Variants in TMEM163 observed in about 807,000 individuals in gnomAD.
TMEM163 encodes the protein transmembrane protein 163.
A neutral mutation model predicts 29.3 loss-of-function variants in TMEM163; 17 were observed. The observed-to-expected ratio is 0.58, with a 90% CI of 0.40 to 0.87. TMEM163 has a LOEUF of 0.87. Ranked by LOEUF, TMEM163 falls within the 40% of genes least tolerant of loss-of-function variation. The pLI, the probability that TMEM163 is intolerant of heterozygous loss-of-function variation, is 0.00. For missense variants in TMEM163, 303 were observed against 381.5 expected, an observed-to-expected ratio of 0.79 and a Z score of 1.71; for synonymous variants, 157 against 160.6, an observed-to-expected ratio of 0.98 and a Z score of 0.17.
chr2:134,713,626 G>C (rs1310834566), intron 1 of TMEM163: 1 of 517,356 alleles, frequency 1.9e-6, no homozygotes, highest in Non-Finnish European at 3.7e-6. Context: ...CCATTCCTTT[G>C]CCCCTGTGTT....
chr2:134,544,317 C>T (rs1680734985), intron 4 of TMEM163, among the ~76,000 whole-genome samples: 1 of 152,230 alleles, frequency 6.6e-6, no homozygotes, highest in Non-Finnish European at 1.5e-5. Context: ...CCATCTCCAG[C>T]ACCTCCTTCC....
chr2:134,484,307 T>C (rs751447900), intron 5 of TMEM163, among the ~76,000 whole-genome samples: 5 of 152,120 alleles, frequency 3.3e-5, no homozygotes, highest in Non-Finnish European at 5.9e-5. Context: ...ACAAGCTCCA[T>C]AGAGAAAACA....
intron 5 of TMEM163, among the ~76,000 whole-genome samples, chr2:134,493,863 T>C (rs999952262): frequency 6.6e-6 from 1 of 152,200 alleles, no homozygotes; most frequent in African/African-American, 2.4e-5. Flanking sequence ...CACCATTTGT[T>C]GAGGAGACTT....
chr2:134,657,096 T>TGGTTTCA (rs1045777542), intron 2 of TMEM163, among the ~76,000 whole-genome samples: 2 of 152,196 alleles, frequency 1.3e-5, no homozygotes, highest in Non-Finnish European at 2.9e-5. Context: ...TCAGTGATGC[T>TGGTTTCA]GGTTTCACAG....
At chr2:134,612,542 A>ACACACACACACACACAC (rs1682528191) in intron 2 of TMEM163, among the ~76,000 whole-genome samples, 2 of 140,568 alleles carry the variant, frequency 1.4e-5, no homozygotes, top group African/African-American at 5.4e-5. Context: ...GGTTTGCCCC[A>ACACACACACACACACAC]ACACACACAC....
chr2:134,674,450 T>TC (rs1684061502), intron 2 of TMEM163, among the ~76,000 whole-genome samples: 1 of 148,270 alleles, frequency 6.7e-6, no homozygotes, highest in Non-Finnish European at 1.5e-5. Flanking sequence ...TTCAAGAGAT[T>TC]CCCCTGCCTC....
chr2:134,718,697 C>T (rs1174831012), intron 1 of TMEM163, 37 bp downstream of exon 1: 2 of 1,130,858 alleles, frequency 1.8e-6, no homozygotes, highest in East Asian at 9.4e-5. Flanking sequence ...CGAGCAGCCA[C>T]CCCGGTCGCC....
At chr2:134,478,143 C>G (rs1288446132) in intron 5 of TMEM163, among the ~76,000 whole-genome samples, 1 of 152,198 alleles carries the variant, frequency 6.6e-6, no homozygotes, top group Non-Finnish European at 1.5e-5. Flanking sequence ...TTGTAAGCAT[C>G]CTCAGGCCCT....
intron 2 of TMEM163, among the ~76,000 whole-genome samples, chr2:134,706,503 G>C (rs1418963425): frequency 6.6e-6 from 1 of 152,152 alleles, no homozygotes; most frequent in African/African-American, 2.4e-5. Flanking sequence ...ATTGTGCATC[G>C]AGTTCCTGAT....
chr2:134,596,700 A>G (rs1467146655), intron 2 of TMEM163, among the ~76,000 whole-genome samples: 17 of 152,068 alleles, frequency 1.1e-4, no homozygotes, highest in African/African-American at 3.6e-4. Flanking sequence ...AAATTACCTT[A>G]GGCAGTATGG....
chr2:134,665,835 G>A (rs755835659), intron 2 of TMEM163, among the ~76,000 whole-genome samples: 17 of 152,104 alleles, frequency 1.1e-4, no homozygotes, highest in Admixed American at 5.2e-4. Context: ...GCACTCTCAA[G>A]AGCATTAAAC....
chr2:134,625,406 C>A (rs1029855210), intron 2 of TMEM163, among the ~76,000 whole-genome samples: 5 of 152,178 alleles, frequency 3.3e-5, no homozygotes, highest in South Asian at 4.1e-4. Flanking sequence ...TACATGGAGC[C>A]ATTTCATAAT....
At chr2:134,698,569 C>A (rs1684628448) in intron 2 of TMEM163, among the ~76,000 whole-genome samples, 1 of 151,894 alleles carries the variant, frequency 6.6e-6, no homozygotes, top group African/African-American at 2.4e-5. Flanking sequence ...TATTTGTATT[C>A]TTCAAAGTTT....
intron 2 of TMEM163, among the ~76,000 whole-genome samples, chr2:134,633,183 A>T (rs1180612624): frequency 1.3e-5 from 2 of 152,178 alleles, no homozygotes; most frequent in Non-Finnish European, 2.9e-5. Flanking sequence ...AGAGTACCAC[A>T]AGGCAGTCTG....
intron 5 of TMEM163, among the ~76,000 whole-genome samples, chr2:134,492,091 T>C (rs4954148): frequency 0.11 from 17,500 of 152,264 alleles, 1,243 homozygotes; most frequent in South Asian, 0.2. Flanking sequence ...CTGCCTCTGG[T>C]GACAGCTGTT....
intron 5 of TMEM163, among the ~76,000 whole-genome samples, chr2:134,490,571 T>G (rs55893044): frequency 0.11 from 17,497 of 152,228 alleles, 1,242 homozygotes; most frequent in South Asian, 0.2. Flanking sequence ...TGATCAGATA[T>G]CCCATTTTAA....
Position 134,718,964 on chromosome 2 carries a change from C to G in TMEM163, c.-29G>C, listed in dbSNP as rs1457680579. 2.9e-6 allele frequency: 3 copies of G among 1,030,408 alleles called. No individual in the cohort carries two copies. In the African/African-American group the frequency reaches 5.2e-5, roughly 18 times the overall value. 63.8% of individuals were successfully genotyped at this position (1,030,408 alleles called of 1,614,324 possible). On this transcript the variant is annotated 5_prime_UTR_variant, in exon 1 of 8. Transcript: ENST00000281924. The stretch of plus-strand genomic sequence containing the variant: ...GCGGGGCTGCGGATCCCGGCGGCGG[C>G]GACGACAAGCGCGGCGGGGACTCGA...
At chr2:134,546,487 C>CA (rs1165414788) in intron 4 of TMEM163, among the ~76,000 whole-genome samples, 3 of 151,966 alleles carry the variant, frequency 2.0e-5, no homozygotes, top group Admixed American at 6.6e-5. Context: ...ACTAAAAATA[C>CA]AAAAAAATTA....
intron 2 of TMEM163, among the ~76,000 whole-genome samples, chr2:134,581,372 G>GTC (rs1237602266): frequency 2.0e-5 from 3 of 152,096 alleles, no homozygotes; most frequent in Non-Finnish European, 4.4e-5. Context: ...CTTCATAAGT[G>GTC]TCTACATGCA....
Sources: gnomAD v4.1 joint callset for allele counts (sites outside exome capture counted in the v4.1 genomes callset) on GRCh38, gnomAD v4.1.1 for gene constraint, MANE v1.5 for transcripts, NCBI Gene and HGNC (gene_info 2026-07-23, HGNC 2026-07-21) for gene names.